The following STAM variants were observed in gnomAD, a reference collection of about 807,000 sequenced individuals.
The protein encoded by STAM is signal transducing adapter molecule 1.
A neutral mutation model predicts 63.4 loss-of-function variants in STAM; 16 were observed. The observed-to-expected ratio is 0.25, with a 90% CI of 0.17 to 0.38. STAM has a LOEUF of 0.38. Among genes scored for constraint, STAM ranks in the 10% least tolerant of loss-of-function variants. STAM has a pLI of 1.00. For missense variants in STAM, 636 were observed against 657.1 expected, an observed-to-expected ratio of 0.97 and a Z score of 0.35; for synonymous variants, 238 against 223.9, an observed-to-expected ratio of 1.06 and a Z score of -0.56.
chr10:17,680,553 G>A (rs1398748024), intron 2 of STAM, among the ~76,000 whole-genome samples: 1 of 151,826 alleles, frequency 6.6e-6, no homozygotes, highest in African/African-American at 2.4e-5. Context: ...CTACAAGTGT[G>A]TGCCATCATG....
intron 4 of STAM, among the ~76,000 whole-genome samples, chr10:17,686,162 T>C (rs1554826061): frequency 6.6e-6 from 1 of 152,206 alleles, no homozygotes; most frequent in Non-Finnish European, 1.5e-5. Context: ...CATTGTCTTT[T>C]AATGTCCTGA....
At chr10:17,658,942 A>G (rs1834051787) in intron 1 of STAM, among the ~76,000 whole-genome samples, 1 of 152,100 alleles carries the variant, frequency 6.6e-6, no homozygotes, top group Non-Finnish European at 1.5e-5. Context: ...GTGACTGTTA[A>G]TATACTTGTG....
chr10:17,668,639 A>G (rs1408069308), intron 2 of STAM, among the ~76,000 whole-genome samples: 22 of 152,110 alleles, frequency 1.4e-4, no homozygotes, highest in Admixed American at 1.4e-3. Context: ...CTCTCTTTGC[A>G]CTTTAAACAG....
At position 17,716,051 on chromosome 10, in the gene STAM, T is replaced by G. The variant is rs1425186046; in HGVS notation, c.*1271T>G. ...CTTGGGAATATTTTCAAATGAATGCTTTTCTTTTAATTCATGCGAAAAATG... is the reference window on the plus strand; with the variant it reads ...CTTGGGAATATTTTCAAATGAATGCGTTTCTTTTAATTCATGCGAAAAATG... On this transcript the variant is annotated 3_prime_UTR_variant, in exon 14 of 14. Coordinates refer to ENST00000377524, the MANE Select transcript of STAM (RefSeq NM_003473.4). 1.3e-5 allele frequency: 2 copies of G among 152,492 alleles called. No individual in the cohort carries two copies. The highest frequency in any genetic ancestry group is 3.8e-4 in the East Asian group (2 of 5,198). 9.4% of individuals were successfully genotyped at this position (152,492 alleles called of 1,614,324 possible).
chr10:17,683,417 C>T (rs1835167187), intron 2 of STAM, among the ~76,000 whole-genome samples: 1 of 152,154 alleles, frequency 6.6e-6, no homozygotes. Flanking sequence ...CCACCTCGGC[C>T]TCCCAAAATG....
rs546316927 is a variant in STAM at position 17,652,043 on chromosome 10, TCTC to T, written c.40+7668_40+7670del. On this transcript the variant is annotated intron_variant, in intron 1 of 13. Transcript: ENST00000377524. The stretch of plus-strand genomic sequence containing the variant: ...GGGTACTGCTGGGCAGATTTCTCAA[TCTC>T]CTCTTTTTGAGTATTAGTGTAAGGA... 2.2e-4 allele frequency among the ~76,000 whole-genome samples: 34 copies of T among 152,348 alleles called. No homozygotes were observed. The South Asian group carries it at 5.8e-3, about 26-fold the overall frequency.
chr10:17,703,860 C>G (rs1323131392), intron 9 of STAM, among the ~76,000 whole-genome samples: 1 of 152,180 alleles, frequency 6.6e-6, no homozygotes, highest in Non-Finnish European at 1.5e-5. Flanking sequence ...CTCTGCCTTA[C>G]TGAAACAGCT....
At chr10:17,658,096 A>T (rs782577349) in intron 1 of STAM, among the ~76,000 whole-genome samples, 1 of 152,058 alleles carries the variant, frequency 6.6e-6, no homozygotes, top group African/African-American at 2.4e-5. Flanking sequence ...ATATGTATTC[A>T]ATGCTATAAA....
chr10:17,671,986 G>A (rs11254720), intron 2 of STAM, among the ~76,000 whole-genome samples: 3,391 of 152,026 alleles, frequency 0.022, 125 homozygotes, highest in African/African-American at 0.078. Flanking sequence ...GTCACTGCTC[G>A]GCATATGGTT....
chr10:17,703,615 T>C (rs1243776278), intron 9 of STAM, among the ~76,000 whole-genome samples: 1 of 152,188 alleles, frequency 6.6e-6, no homozygotes, highest in African/African-American at 2.4e-5. Context: ...ATATATCGTA[T>C]AGATGTGTGT....
intron 13 of STAM, among the ~76,000 whole-genome samples, chr10:17,712,246 G>A (rs1207293490): frequency 6.6e-6 from 1 of 152,210 alleles, no homozygotes; most frequent in Non-Finnish European, 1.5e-5. Context: ...AGATGGGGAA[G>A]CTGAGACCTG....
chr10:17,657,992 T>G (rs546391527), intron 1 of STAM, among the ~76,000 whole-genome samples: 2 of 152,198 alleles, frequency 1.3e-5, no homozygotes, highest in African/African-American at 4.8e-5. Flanking sequence ...TTTTGTTGTT[T>G]GTTTTCTTCT....
At chr10:17,691,948 G>A (rs1554826838) in intron 5 of STAM, among the ~76,000 whole-genome samples, 1 of 152,172 alleles carries the variant, frequency 6.6e-6, no homozygotes, top group East Asian at 1.9e-4. Flanking sequence ...TAGTTGTCAT[G>A]TGTATTACCT....
intron 4 of STAM, among the ~76,000 whole-genome samples, chr10:17,686,399 C>T (rs545428203): frequency 2.9e-5 from 4 of 137,776 alleles, no homozygotes; most frequent in Admixed American, 7.6e-5. Context: ...TTTTTTGAGA[C>T]AGTGTCTCTC....
intron 12 of STAM, 99 bp from the exon 13 acceptor site, chr10:17,708,677 G>T: frequency 1.6e-6 from 2 of 1,251,178 alleles, no homozygotes; most frequent in South Asian, 2.3e-5. Flanking sequence ...CCAGAGTGGT[G>T]ATTTTTCTTG....
intron 1 of STAM, among the ~76,000 whole-genome samples, chr10:17,653,633 A>G (rs1554821803): frequency 6.6e-6 from 1 of 152,220 alleles, no homozygotes; most frequent in Non-Finnish European, 1.5e-5. Flanking sequence ...TCTGTACCGA[A>G]CACATAGAGA....
chr10:17,710,904 A>C (rs1836524793), intron 13 of STAM, among the ~76,000 whole-genome samples: 1 of 152,222 alleles, frequency 6.6e-6, no homozygotes, highest in East Asian at 1.9e-4. Context: ...ATATAAAGGT[A>C]CAATATGTAA....
Position 17,696,838 on chromosome 10 carries a change from G to A in STAM, c.792G>A (p.Val264=). The A allele has an allele frequency of 6.2e-7, 1 of 1,613,998 alleles. No individual in the cohort carries two copies. The highest frequency in any genetic ancestry group is 8.5e-7 in the Non-Finnish European group (1 of 1,179,892). Residue 264 remains valine (V), a synonymous_variant, in exon 8 of 14, where the codon GTG becomes GTA. Transcript: ENST00000377524. ...QGIGLFPSNF[V]TADLTAEPEM... Reference sequence around the variant, plus strand: ...TAGGGTTATTTCCTTCTAATTTTGTGACTGCAGATCTCACTGCTGAACCAG... The same window carrying A: ...TAGGGTTATTTCCTTCTAATTTTGTAACTGCAGATCTCACTGCTGAACCAG...
rs187974281 is a variant in STAM at position 17,716,623 on chromosome 10, T to C, written c.*1843T>C. ...CTTTTGATAAATTCCTGTTTACCAA[T>C]GTTAAATGTATCATTTTCCCATTTT... On this transcript the variant is annotated 3_prime_UTR_variant, in exon 14 of 14. Transcript: ENST00000377524. Among the ~76,000 whole-genome samples, 535 of 152,360 alleles carry C rather than the reference T, an allele frequency of 3.5e-3. 2 individuals are homozygous for C. The highest frequency in any genetic ancestry group is 0.012 in the African/African-American group (504 of 41,580).
Sources: allele counts gnomAD v4.1 joint callset (sites outside exome capture counted in the v4.1 genomes callset), GRCh38; gene constraint gnomAD v4.1.1; transcripts MANE v1.5; gene names NCBI Gene and HGNC (gene_info 2026-07-23, HGNC 2026-07-21).